The following ASB5 variants were observed in gnomAD, a reference collection of about 807,000 sequenced individuals.
The protein encoded by ASB5 is ankyrin repeat and SOCS box protein 5.
Under a neutral mutation model 42.1 loss-of-function variants are expected in ASB5, and 45 were observed. The ratio of observed to expected loss-of-function variants is 1.07; its 90% CI spans 0.84 to 1.37. The LOEUF (loss-of-function observed/expected upper bound fraction) is 1.37, where lower values mean the gene tolerates loss of function less well. Among genes scored for constraint, ASB5 ranks in the 40% most tolerant of loss-of-function variants. The probability of loss-of-function intolerance (pLI) is 0.00; values close to 1 mark genes in which losing one functional copy is unlikely to be tolerated. For synonymous variants in ASB5, 147 were observed against 150.6 expected, an observed-to-expected ratio of 0.98 and a Z score of 0.18; for missense variants, 402 against 399.8, an observed-to-expected ratio of 1.01 and a Z score of -0.05.
upstream of ASB5, among the ~76,000 whole-genome samples, chr4:176,269,593 T>C (rs1213270491): frequency 3.3e-5 from 5 of 152,332 alleles, no homozygotes; most frequent in South Asian, 2.1e-4. Context: ...CCATGGCTTG[T>C]ATTTTAATGA....
intron 1 of ASB5, among the ~76,000 whole-genome samples, chr4:176,249,924 G>C (rs559330136): frequency 1.3e-5 from 2 of 151,970 alleles, no homozygotes; most frequent in Non-Finnish European, 2.9e-5. Flanking sequence ...AATTAGCCGG[G>C]CGTGGTGACG....
chr4:176,219,611 TATATATAG>T (rs1753141809), intron 5 of ASB5, among the ~76,000 whole-genome samples: 2 of 109,976 alleles, frequency 1.8e-5, no homozygotes, highest in Non-Finnish European at 3.6e-5. Context: ...TATATATATA[TATATATAG>T]GCTGGAGTAC....
chr4:176,228,093 C>A (rs2126951881), intron 1 of ASB5, among the ~76,000 whole-genome samples: 1 of 152,320 alleles, frequency 6.6e-6, no homozygotes, highest in Non-Finnish European at 1.5e-5. Context: ...CAAAGGCTAA[C>A]TATGATTCGA....
At chr4:176,228,568 C>T (rs1753441300) in intron 1 of ASB5, among the ~76,000 whole-genome samples, 1 of 152,134 alleles carries the variant, frequency 6.6e-6, no homozygotes. Flanking sequence ...GTAAGCCAGA[C>T]ACATAATTCT....
chr4:176,240,325 C>T lies in ASB5; in HGVS notation c.197-14984G>A, dbSNP rs1264625062. ...CAGGGACTAAAATAAAATGTTAAAC[C>T]TTATAGGATATGAAACAAAGGCAAT... On this transcript the variant is annotated intron_variant, in intron 1 of 6. Coordinates refer to ENST00000296525, the MANE Select transcript of ASB5 (RefSeq NM_080874.4). Among the ~76,000 whole-genome samples the T allele has an allele frequency of 2.0e-5, 3 of 152,076 alleles. No individual in the cohort carries two copies. The East Asian group carries it at 5.8e-4, about 29-fold the overall frequency.
intron 1 of ASB5, among the ~76,000 whole-genome samples, chr4:176,259,050 A>G (rs1036203734): frequency 6.6e-6 from 1 of 152,056 alleles, no homozygotes; most frequent in African/African-American, 2.4e-5. Flanking sequence ...TAGCCCCTAT[A>G]CTAGATTCTA....
At chr4:176,229,758 G>A (rs1307567652) in intron 1 of ASB5, among the ~76,000 whole-genome samples, 1 of 152,158 alleles carries the variant, frequency 6.6e-6, no homozygotes, top group South Asian at 2.1e-4. Flanking sequence ...GCATGAAAAA[G>A]TTTAATGTCA....
intron 5 of ASB5, 106 bp from the exon 6 acceptor site, chr4:176,217,115 G>A: frequency 1.1e-6 from 1 of 891,028 alleles, no homozygotes; most frequent in Non-Finnish European, 1.7e-6. Flanking sequence ...GGTTATTAAG[G>A]GGACTTCAAC....
chr4:176,225,976 G>A (rs530713515), intron 1 of ASB5, among the ~76,000 whole-genome samples: 217 of 152,322 alleles, frequency 1.4e-3, no homozygotes, highest in African/African-American at 4.8e-3. Context: ...CCTTGTTGCT[G>A]CATTTATTTT....
chr4:176,256,985 AG>A (rs1754169444), intron 1 of ASB5, among the ~76,000 whole-genome samples: 2 of 152,216 alleles, frequency 1.3e-5, no homozygotes, highest in Non-Finnish European at 2.9e-5. Context: ...GAGAAAATAA[AG>A]GAAAAAAGAC....
chr4:176,216,721 C>A, intron 6 of ASB5, 97 bp downstream of exon 6: 1 of 982,240 alleles, frequency 1.0e-6, no homozygotes. Flanking sequence ...CATTTTATGC[C>A]ATTGTTACTT....
chr4:176,244,996 G>A (rs1753882008), intron 1 of ASB5, among the ~76,000 whole-genome samples: 1 of 152,060 alleles, frequency 6.6e-6, no homozygotes, highest in South Asian at 2.1e-4. Context: ...GATGACCCAG[G>A]CCTCACCTCA....
At chr4:176,254,215 A>G (rs1166934974) in intron 1 of ASB5, among the ~76,000 whole-genome samples, 3 of 152,140 alleles carry the variant, frequency 2.0e-5, no homozygotes, top group Admixed American at 2.0e-4. Flanking sequence ...TGCAAAAACA[A>G]ATACATAGAC....
chr4:176,252,489 T>G (rs955051134), intron 1 of ASB5, among the ~76,000 whole-genome samples: 1 of 152,260 alleles, frequency 6.6e-6, no homozygotes, highest in Non-Finnish European at 1.5e-5. Context: ...GAACCTGCCA[T>G]GTGCTGGCAT....
chr4:176,231,673 A>G (rs895846313), intron 1 of ASB5, among the ~76,000 whole-genome samples: 3 of 113,202 alleles, frequency 2.7e-5, no homozygotes, highest in African/African-American at 1.1e-4. Context: ...AAAAAAAAAA[A>G]AAAAATGTAA....
rs1476696336 is a variant in ASB5, at chr4:176,216,933, T to C, written c.747A>G (p.Val249=). Residue 249 remains valine, a synonymous_variant, in exon 6 of 7, where the codon GTA becomes GTG. Coordinates refer to ENST00000296525, the MANE Select transcript of ASB5 (RefSeq NM_080874.4). ...AAAQQSSTEI[V]NLLLEFGADI... ...CTGCTCCAAATTCTAGCAGTAAGTT[T>C]ACAATTTCTGTGCTGGATTGTTGAG... is the stretch of plus-strand genomic sequence containing the variant. 2 of 1,613,938 alleles carry C rather than the reference T, an allele frequency of 1.2e-6. No individual in the cohort carries two copies. The highest frequency in any genetic ancestry group is 2.7e-5 in the African/African-American group (2 of 74,908).
upstream of ASB5, among the ~76,000 whole-genome samples, chr4:176,272,087 T>C (rs1754478920): frequency 6.6e-6 from 1 of 152,170 alleles, no homozygotes; most frequent in Non-Finnish European, 1.5e-5. Context: ...GATGGAACTT[T>C]ATGTGCGCTT....
intron 2 of ASB5, among the ~76,000 whole-genome samples, chr4:176,224,749 ATTTGTGT>A (rs1347686637): frequency 1.3e-5 from 2 of 152,008 alleles, no homozygotes; most frequent in Non-Finnish European, 2.9e-5. Context: ...TTCAATAAGG[ATTTGTGT>A]TTTTTATTTT....
intron 1 of ASB5, among the ~76,000 whole-genome samples, chr4:176,241,845 A>G (rs1489731459): frequency 6.6e-6 from 1 of 152,122 alleles, no homozygotes; most frequent in African/African-American, 2.4e-5. Context: ...CTCCTCTCCT[A>G]TAGGAGAGAA....
Sources: gnomAD v4.1 joint callset for allele counts (sites outside exome capture counted in the v4.1 genomes callset) on GRCh38, gnomAD v4.1.1 for gene constraint, MANE v1.5 for transcripts, NCBI Gene and HGNC (gene_info 2026-07-23, HGNC 2026-07-21) for gene names.